CAST: variants seen among roughly 807,000 people sequenced by gnomAD.
CAST encodes the protein calpastatin, also known as MIR583 host.
In CAST, 76 loss-of-function variants were observed where a neutral mutation model predicts 119.6. That is an observed-to-expected ratio of 0.64 (90% CI 0.53 to 0.77). The LOEUF (loss-of-function observed/expected upper bound fraction) is 0.77, where lower values mean the gene tolerates loss of function less well. CAST is among the 30% of genes least tolerant of loss of function. The pLI is 0.00. For synonymous variants in CAST, 319 were observed against 331.6 expected (o/e 0.96, Z 0.41); for missense variants, 953 against 946.5 (o/e 1.01, Z -0.09).
the CAST span, among the ~76,000 whole-genome samples, chr5:96,468,546 G>A: frequency 6.6e-6 from 1 of 152,048 alleles, no homozygotes; most frequent in Non-Finnish European, 1.5e-5. Context: ...AATATGCAAA[G>A]ATTATAACCC....
At chr5:96,185,008 C>G in the CAST span, among the ~76,000 whole-genome samples, 1 of 152,160 alleles carries the variant, frequency 6.6e-6, no homozygotes, top group Non-Finnish European at 1.5e-5. Context: ...CACAACCTCA[C>G]CAACATCTGT....
intron 1 of CAST, among the ~76,000 whole-genome samples, chr5:96,594,220 C>A (rs1466073144): frequency 6.6e-6 from 1 of 152,124 alleles, no homozygotes; most frequent in Non-Finnish European, 1.5e-5. Context: ...TTTTTTCCAC[C>A]TCTTATTACT....
At chr5:95,990,663 TA>T in the CAST span, among the ~76,000 whole-genome samples, 1 of 152,136 alleles carries the variant, frequency 6.6e-6, no homozygotes. Context: ...TATAAACATT[TA>T]AAAATGATTA....
At chr5:96,648,221 G>A (rs183176622) in intron 1 of CAST, among the ~76,000 whole-genome samples, 1 of 152,194 alleles carries the variant, frequency 6.6e-6, no homozygotes, top group Non-Finnish European at 1.5e-5. Context: ...TTGCTAAACT[G>A]TGTGCCTTCC....
At chr5:96,460,295 G>A in the CAST span, among the ~76,000 whole-genome samples, 1 of 152,062 alleles carries the variant, frequency 6.6e-6, no homozygotes, top group Non-Finnish European at 1.5e-5. Context: ...GACACAGAGA[G>A]AAGAATTGTA....
At chr5:96,163,832 G>A in the CAST span, among the ~76,000 whole-genome samples, 3 of 152,150 alleles carry the variant, frequency 2.0e-5, no homozygotes, top group African/African-American at 4.8e-5. Flanking sequence ...AAACTGTTGC[G>A]AGGATCAGAT....
At chr5:96,377,341 C>T in the CAST span, among the ~76,000 whole-genome samples, 3 of 152,272 alleles carry the variant, frequency 2.0e-5, no homozygotes, top group East Asian at 1.9e-4. Context: ...TAGGCCCTCA[C>T]ATTCAATCAC....
At chr5:96,301,368 T>C in the CAST span, among the ~76,000 whole-genome samples, 1 of 152,084 alleles carries the variant, frequency 6.6e-6, no homozygotes. Context: ...CCAAATCATA[T>C]TATCCTGCCC....
At chr5:96,672,261 A>C (rs1176611854) in intron 1 of CAST, among the ~76,000 whole-genome samples, 2 of 151,750 alleles carry the variant, frequency 1.3e-5, no homozygotes, top group African/African-American at 2.4e-5. Context: ...CTGTGTCTGT[A>C]TGTATGCCTG....
At chr5:96,160,984 A>G in the CAST span, among the ~76,000 whole-genome samples, 1 of 152,182 alleles carries the variant, frequency 6.6e-6, no homozygotes, top group Admixed American at 6.5e-5. Flanking sequence ...GAATTGTAAG[A>G]GCCCTTTATA....
the CAST span, chr5:96,399,009 G>A: frequency 6.2e-7 from 1 of 1,612,230 alleles, no homozygotes; most frequent in Admixed American, 1.7e-5. Flanking sequence ...GAATTTCAAT[G>A]ATAACTTCTC....
the CAST span, among the ~76,000 whole-genome samples, chr5:96,354,638 A>G: frequency 6.6e-6 from 1 of 150,816 alleles, no homozygotes; most frequent in Non-Finnish European, 1.5e-5. Flanking sequence ...ATCTGTATGT[A>G]TATTTACACA....
At chr5:96,411,098 T>G in the CAST span, 1 of 829,350 alleles carries the variant, frequency 1.2e-6, no homozygotes, top group East Asian at 2.5e-5. Flanking sequence ...GACAGCTATT[T>G]GGGATCTATT....
chr5:96,151,605 C>T, the CAST span, among the ~76,000 whole-genome samples: 4 of 152,184 alleles, frequency 2.6e-5, no homozygotes, highest in Non-Finnish European at 5.9e-5. Flanking sequence ...AATGAATGAG[C>T]AGGAGTCAGC....
At chr5:96,166,346 T>A in the CAST span, among the ~76,000 whole-genome samples, 3 of 152,232 alleles carry the variant, frequency 2.0e-5, no homozygotes, top group Non-Finnish European at 2.9e-5. Context: ...ATAACAGAAG[T>A]ATTTAACAAC....
the CAST span, among the ~76,000 whole-genome samples, chr5:96,366,691 G>T: frequency 6.6e-6 from 1 of 152,156 alleles, no homozygotes; most frequent in Non-Finnish European, 1.5e-5. Context: ...GGTCATTTAA[G>T]TACTTCTCTA....
intron 1 of CAST, among the ~76,000 whole-genome samples, chr5:96,530,635 C>T (rs948727279): frequency 1.3e-5 from 2 of 152,006 alleles, no homozygotes; most frequent in African/African-American, 2.4e-5. Context: ...AAGTAGGAGC[C>T]CACAGAAGAG....
intron 1 of CAST, among the ~76,000 whole-genome samples, chr5:96,668,576 A>G (rs1279678326): frequency 6.6e-6 from 1 of 152,208 alleles, no homozygotes; most frequent in African/African-American, 2.4e-5. Context: ...CAGGTGCCTC[A>G]CTAATGTCAA....
chr5:96,256,066 G>A, the CAST span, among the ~76,000 whole-genome samples: 1 of 151,822 alleles, frequency 6.6e-6, no homozygotes, highest in African/African-American at 2.4e-5. Flanking sequence ...TTAGCAAGCA[G>A]TATCTATTCT....
Sources: allele counts gnomAD v4.1 joint callset (sites outside exome capture counted in the v4.1 genomes callset), GRCh38; gene constraint gnomAD v4.1.1; transcripts MANE v1.5; gene names NCBI Gene and HGNC (gene_info 2026-07-23, HGNC 2026-07-21).